The following ITPKB variants were observed in gnomAD, a reference collection of about 807,000 sequenced individuals.
ITPKB encodes inositol-trisphosphate 3-kinase B, also known as IP3 3-kinase B.
Under a neutral mutation model 69.4 loss-of-function variants are expected in ITPKB, and 13 were observed. The observed-to-expected ratio is 0.19, with a 90% CI of 0.12 to 0.30. ITPKB has a LOEUF of 0.30. Among genes scored for constraint, ITPKB ranks in the 10% least tolerant of loss-of-function variants. The pLI is 1.00. For synonymous variants in ITPKB, 584 were observed against 513.7 expected (o/e 1.14, Z -1.85); for missense variants, 1,240 against 1,250.5 (o/e 0.99, Z 0.13).
intron 2 of ITPKB, among the ~76,000 whole-genome samples, chr1:226,661,654 T>A (rs1315951522): frequency 3.9e-5 from 6 of 152,258 alleles, no homozygotes. Context: ...CCATGTATCC[T>A]AAAGTATTGT....
At chr1:226,644,380 C>T (rs1261069620) in intron 4 of ITPKB, among the ~76,000 whole-genome samples, 1 of 152,222 alleles carries the variant, frequency 6.6e-6, no homozygotes, top group African/African-American at 2.4e-5. Context: ...GAGGAGGGGA[C>T]TCAAGATCAG....
chr1:226,650,282 C>A (rs1212478094), intron 2 of ITPKB, among the ~76,000 whole-genome samples: 9 of 152,208 alleles, frequency 5.9e-5, no homozygotes, highest in African/African-American at 2.2e-4. Flanking sequence ...GAGAGGAATT[C>A]TTCCTTACTA....
intron 2 of ITPKB, among the ~76,000 whole-genome samples, chr1:226,671,343 G>C (rs1352516958): frequency 6.6e-6 from 1 of 152,246 alleles, no homozygotes; most frequent in Non-Finnish European, 1.5e-5. Flanking sequence ...GAGCCCCTGA[G>C]GGCAGGGACC....
At position 226,737,477 on chromosome 1, in the gene ITPKB, G is replaced by T; in HGVS notation, c.-19C>A. On this transcript the variant is annotated 5_prime_UTR_variant, in exon 2 of 8. Coordinates refer to ENST00000429204, the MANE Select transcript of ITPKB (RefSeq NM_002221.4). ...CAGCCATAGTACTGGGTCCCGCGCT[G>T]CCCGCCGCCGCGGCTCCCGCTCCTG... 1 of 1,536,918 alleles carries T rather than the reference G, an allele frequency of 6.5e-7. No homozygotes were observed.
chr1:226,705,345 C>A (rs1304064172), intron 2 of ITPKB, among the ~76,000 whole-genome samples: 1 of 151,404 alleles, frequency 6.6e-6, no homozygotes. Context: ...GCCTGACCAA[C>A]ATGGAGAAAC....
At chr1:226,666,158 C>G (rs1284903332) in intron 2 of ITPKB, among the ~76,000 whole-genome samples, 2 of 152,198 alleles carry the variant, frequency 1.3e-5, no homozygotes, top group Admixed American at 6.5e-5. Flanking sequence ...ATATCTGCCC[C>G]AAAGCCCTCC....
chr1:226,638,083 C>G (rs533534486), intron 6 of ITPKB, among the ~76,000 whole-genome samples: 2 of 152,240 alleles, frequency 1.3e-5, no homozygotes, highest in African/African-American at 2.4e-5. Context: ...GTCTCACCCC[C>G]GGGCTGCCTT....
rs1406683518 is a variant in ITPKB, at chr1:226,738,209, C to A, written c.-205-546G>T. Among the ~76,000 whole-genome samples the A allele has an allele frequency of 1.3e-5, 2 of 152,126 alleles. No homozygotes were observed. Among genetic ancestry groups the A allele is most frequent in the African/African-American group, 4.8e-5 (2 of 41,420 alleles). On this transcript the variant is annotated intron_variant, in intron 1 of 7. Coordinates refer to ENST00000429204, the MANE Select transcript of ITPKB (RefSeq NM_002221.4). The surrounding 1 kb of genome is among the most constrained non-coding windows in gnomAD (Gnocchi z 4.2). ...CCTGCCTTGCCCGAGCCGCTGCCAG[C>A]GCCCGGATCTGGGAGGGCGCCCGCG...
rs905869084 is a variant in ITPKB at position 226,738,726 on chromosome 1, G to A, written c.-206+315C>T. On this transcript the variant is annotated intron_variant, in intron 1 of 7. Transcript: ENST00000429204. The surrounding 1 kb of genome is among the most constrained non-coding windows in gnomAD (Gnocchi z 4.2). The stretch of plus-strand genomic sequence containing the variant: ...GGAGCGCAGGGCTTCTCCGCATCCC[G>A]GGCAGCCTCGCCCGGCGCCAGCAGA... Among the ~76,000 whole-genome samples, 2 of 152,156 alleles carry A rather than the reference G, an allele frequency of 1.3e-5. No individual in the cohort carries two copies. Among genetic ancestry groups the A allele is most frequent in the South Asian group, 4.1e-4 (2 of 4,830 alleles).
At position 226,665,707 on chromosome 1, in the gene ITPKB, AC is replaced by A. The variant is rs567310244; in HGVS notation, c.1933-16937del. 5.9e-5 allele frequency among the ~76,000 whole-genome samples: 9 copies of A among 152,216 alleles called. No individual in the cohort carries two copies. The South Asian group carries it at 1.2e-3, about 21-fold the overall frequency. On this transcript the variant is annotated intron_variant, in intron 2 of 7. Transcript: ENST00000429204. ...GCCCTGCCTGCGGTACCACCTCCCC[AC>A]CCAGAGAAGTGGAACATCACTGTGG...
chr1:226,716,927 T>A (rs921427772), intron 2 of ITPKB, among the ~76,000 whole-genome samples: 1 of 152,218 alleles, frequency 6.6e-6, no homozygotes, highest in African/African-American at 2.4e-5. Flanking sequence ...TTGTGATAGA[T>A]TGTTTATACA....
chr1:226,735,680 C>G lies in ITPKB; in HGVS notation c.1779G>C (p.Leu593=). 6.2e-7 allele frequency: 1 copy of G among 1,606,576 alleles called. No homozygotes were observed. The highest frequency in any genetic ancestry group is 1.1e-5 in the South Asian group (1 of 90,216). The change falls in exon 2 of 8, where the codon CTG becomes CTC. Residue 593 remains leucine, a synonymous_variant. Transcript: ENST00000429204. Reference sequence around the variant, plus strand: ...AGGAAGAGGACAGTTTCCTCAGGGGCAGGTTGCCCCGAGGGCTTCCCTGCG... The same window carrying G: ...AGGAAGAGGACAGTTTCCTCAGGGGGAGGTTGCCCCGAGGGCTTCCCTGCG... The part of the protein sequence containing the change: ...EETQGSPRGN[L]PLRKLSSSSA...
intron 2 of ITPKB, among the ~76,000 whole-genome samples, chr1:226,728,426 G>A (rs554374835): frequency 6.6e-6 from 1 of 152,372 alleles, no homozygotes; most frequent in South Asian, 2.1e-4. Flanking sequence ...AAAAGCCTGA[G>A]TGTTGGCTTG....
intron 2 of ITPKB, among the ~76,000 whole-genome samples, chr1:226,704,339 T>A (rs1656752140): frequency 6.6e-6 from 1 of 152,198 alleles, no homozygotes; most frequent in Non-Finnish European, 1.5e-5. Flanking sequence ...ATAACACTAC[T>A]TATCTTTAAA....
intron 2 of ITPKB, among the ~76,000 whole-genome samples, chr1:226,653,469 C>T (rs1007825350): frequency 3.3e-5 from 5 of 152,344 alleles, no homozygotes; most frequent in Admixed American, 6.5e-5. Context: ...CCCAGGGCCC[C>T]TGGTGCCCCT....
Position 226,737,585 on chromosome 1 carries a change from G to A in ITPKB, c.-127C>T. The A allele has an allele frequency of 8.4e-7, 1 of 1,196,464 alleles. No individual in the cohort carries two copies. Among genetic ancestry groups the A allele is most frequent in the Non-Finnish European group, 1.0e-6 (1 of 968,138 alleles). 74.1% of individuals were successfully genotyped at this position (1,196,464 alleles called of 1,614,324 possible). A position where few individuals can be genotyped will look rare whatever the true frequency, so the allele number is the denominator to read the frequency against. On this transcript the variant is annotated 5_prime_UTR_variant, in exon 2 of 8. Coordinates refer to ENST00000429204, the MANE Select transcript of ITPKB (RefSeq NM_002221.4). ...AGCCGCGGCTCCGCGCGCAGATGGG[G>A]CGGCATGGCCTGGGCAGCGGGCTGG...
At chr1:226,730,248 G>A (rs1439683093) in intron 2 of ITPKB, among the ~76,000 whole-genome samples, 1 of 152,096 alleles carries the variant, frequency 6.6e-6, no homozygotes, top group East Asian at 1.9e-4. Flanking sequence ...ATGTTGTTTG[G>A]GACTGCCTGT....
chr1:226,700,079 G>A (rs553267864), intron 2 of ITPKB, among the ~76,000 whole-genome samples: 1 of 152,256 alleles, frequency 6.6e-6, no homozygotes, highest in African/African-American at 2.4e-5. Flanking sequence ...TAATTAGATG[G>A]TGCCCACCCA....
At chr1:226,639,256 C>T (rs1302980337) in intron 6 of ITPKB, among the ~76,000 whole-genome samples, 1 of 152,168 alleles carries the variant, frequency 6.6e-6, no homozygotes, top group Non-Finnish European at 1.5e-5. Flanking sequence ...TGGAGTTTCA[C>T]CATGTTGGCC....
Sources: allele counts gnomAD v4.1 joint callset (sites outside exome capture counted in the v4.1 genomes callset), GRCh38; gene constraint gnomAD v4.1.1; non-coding constraint Gnocchi (gnomAD v3.1); transcripts MANE v1.5; gene names NCBI Gene and HGNC (gene_info 2026-07-23, HGNC 2026-07-21).